Variants in ACSM1 observed in about 807,000 individuals in gnomAD.
The protein encoded by ACSM1 is acyl-coenzyme A synthetase ACSM1, mitochondrial.
A neutral mutation model predicts 75.8 loss-of-function variants in ACSM1; 79 were observed. The observed-to-expected ratio is 1.04, with a 90% CI of 0.87 to 1.26. The LOEUF (loss-of-function observed/expected upper bound fraction) is 1.26, where lower values mean the gene tolerates loss of function less well. ACSM1 is among the 50% of genes most tolerant of loss of function. The pLI is 0.00. For missense variants in ACSM1, 676 were observed against 720.1 expected (o/e 0.94, Z 0.70); for synonymous variants, 279 against 265.8 (o/e 1.05, Z -0.48).
At chr16:20,650,696 T>G (rs1279240744) in intron 7 of ACSM1, among the ~76,000 whole-genome samples, 1 of 151,514 alleles carries the variant, frequency 6.6e-6, no homozygotes, top group African/African-American at 2.4e-5. Flanking sequence ...AAACAAAATC[T>G]AAGAATAAGG....
intron 7 of ACSM1, among the ~76,000 whole-genome samples, chr16:20,656,059 G>A (rs956278829): frequency 1.3e-5 from 2 of 152,114 alleles, no homozygotes; most frequent in African/African-American, 2.4e-5. Flanking sequence ...CTGTTGAAAA[G>A]GCTTTGAAGG....
intron 2 of ACSM1, among the ~76,000 whole-genome samples, chr16:20,686,572 A>G (rs1301029684): frequency 2.0e-5 from 3 of 152,190 alleles, no homozygotes; most frequent in African/African-American, 7.2e-5. Context: ...AACCACCATG[A>G]CACGCATATA....
chr16:20,654,378 A>T (rs1460508304), intron 7 of ACSM1, among the ~76,000 whole-genome samples: 3 of 152,228 alleles, frequency 2.0e-5, no homozygotes, highest in Non-Finnish European at 4.4e-5. Flanking sequence ...AGCAATGGCA[A>T]CAAAAACCAA....
intron 6 of ACSM1, among the ~76,000 whole-genome samples, chr16:20,666,323 A>G (rs2019565126): frequency 6.6e-6 from 1 of 152,188 alleles, no homozygotes; most frequent in African/African-American, 2.4e-5. Context: ...TAGCATTTCC[A>G]TACACCAACA....
At chr16:20,637,744 G>A (rs1268464044) in intron 8 of ACSM1, among the ~76,000 whole-genome samples, 2 of 152,246 alleles carry the variant, frequency 1.3e-5, no homozygotes, top group Non-Finnish European at 2.9e-5. Context: ...TCCCCTGGCT[G>A]TGGGCATATA....
chr16:20,629,403 G>A (rs2017199513), intron 10 of ACSM1, among the ~76,000 whole-genome samples: 1 of 151,818 alleles, frequency 6.6e-6, no homozygotes, highest in African/African-American at 2.4e-5. Context: ...ATGTAATATA[G>A]TAATCATAAA....
In ACSM1 at chr16:20,626,103, A is replaced by C. The variant is rs112906816; in HGVS notation, c.1428-581T>G. Among the ~76,000 whole-genome samples the C allele has an allele frequency of 4.5e-4, 69 of 152,260 alleles. 1 individual carries two copies. Among genetic ancestry groups the C allele is most frequent in the African/African-American group, 1.3e-3 (53 of 41,566 alleles). ...AGAAATTTAAAATAAAATCCCATCCAGGCTGGGCATGGTGGCTCACACCTG... is the reference window on the plus strand; with the variant it reads ...AGAAATTTAAAATAAAATCCCATCCCGGCTGGGCATGGTGGCTCACACCTG... On this transcript the variant is annotated intron_variant, in intron 11 of 13. Transcript: ENST00000520010.
Position 20,635,620 on chromosome 16 carries a change from CTTT to C in ACSM1, c.1299+1116_1299+1118del, listed in dbSNP as rs2017647726. ...TCTTTCTTTCTTTCTTTCTTTCTTT[CTTT>C]CTTTCTTTCTTTCTTTCTTTCTTTC... On this transcript the variant is annotated intron_variant, in intron 10 of 13. Coordinates refer to ENST00000520010, the MANE Select transcript of ACSM1 (RefSeq NM_001318890.3). 1.0e-3 allele frequency among the ~76,000 whole-genome samples: 106 copies of C among 105,486 alleles called. 1 individual carries two copies. The highest frequency in any genetic ancestry group is 1.8e-3 in the Non-Finnish European group (88 of 49,128). The allele number at this position is 105,486 out of a possible 152,430, so 69.2% of individuals were successfully genotyped here.
At chr16:20,640,699 A>T in intron 7 of ACSM1, 115 bp from the exon 8 acceptor site, 1 of 1,505,588 alleles carries the variant, frequency 6.6e-7, no homozygotes, top group South Asian at 1.3e-5. Flanking sequence ...TTTCTTATTT[A>T]CTTTTTGGTC....
intron 10 of ACSM1, among the ~76,000 whole-genome samples, chr16:20,632,207 G>T (rs2017393417): frequency 6.6e-6 from 1 of 152,016 alleles, no homozygotes; most frequent in Non-Finnish European, 1.5e-5. Flanking sequence ...CTAAACCCAA[G>T]CATAGCAGAA....
At chr16:20,634,327 CA>C (rs1187796485) in intron 10 of ACSM1, among the ~76,000 whole-genome samples, 1 of 152,204 alleles carries the variant, frequency 6.6e-6, no homozygotes, top group Non-Finnish European at 1.5e-5. Context: ...TGGAACCCAG[CA>C]ATTCCACATC....
intron 6 of ACSM1, among the ~76,000 whole-genome samples, chr16:20,667,482 G>A (rs1449557318): frequency 6.6e-6 from 1 of 152,092 alleles, no homozygotes; most frequent in Non-Finnish European, 1.5e-5. Flanking sequence ...CTATCAGAAT[G>A]GTGATTATTA....
intron 2 of ACSM1, among the ~76,000 whole-genome samples, chr16:20,688,100 A>G (rs2079586428): frequency 6.6e-6 from 1 of 151,816 alleles, no homozygotes; most frequent in Non-Finnish European, 1.5e-5. Flanking sequence ...AAAAAAAAAG[A>G]AAGAACCAAA....
Position 20,654,539 on chromosome 16 carries a change from C to A in ACSM1, c.992+7255G>T, listed in dbSNP as rs1026231076. 3.3e-5 allele frequency among the ~76,000 whole-genome samples: 5 copies of A among 152,072 alleles called. 1 individual carries two copies. On this transcript the variant is annotated intron_variant, in intron 7 of 13. Coordinates refer to ENST00000520010, the MANE Select transcript of ACSM1 (RefSeq NM_001318890.3). ...TAATATCCAGAATCTACAAACAACT[C>A]AAACAAATTTACAAGAAAACAACAA...
chr16:20,661,573 GT>G (rs1213381793), intron 7 of ACSM1, among the ~76,000 whole-genome samples: 1 of 152,104 alleles, frequency 6.6e-6, no homozygotes, highest in African/African-American at 2.4e-5. Context: ...CAACTGAAAT[GT>G]TTAAAAAGGA....
At chr16:20,691,629 C>T (rs2079652990) in intron 1 of ACSM1, among the ~76,000 whole-genome samples, 1 of 152,020 alleles carries the variant, frequency 6.6e-6, no homozygotes, top group African/African-American at 2.4e-5. Flanking sequence ...CATGTTGTTG[C>T]CATGGAAGCT....
chr16:20,627,279 TC>T lies in ACSM1; in HGVS notation c.1336del (p.Asp446ThrfsTer66), dbSNP rs2016992940. The T allele has an allele frequency of 6.3e-7, 1 of 1,584,598 alleles. No homozygotes were observed. Among genetic ancestry groups the T allele is most frequent in the Non-Finnish European group, 8.6e-7 (1 of 1,167,718 alleles). ...ACCTCTGTCCCCAGTGTTGTAGAAGTCCCCACATTCCACTTTAGCTGTCTTC... is the reference window on the plus strand; with the variant it reads ...ACCTCTGTCCCCAGTGTTGTAGAAGTCCCACATTCCACTTTAGCTGTCTTC... The part of the protein sequence containing the change: ...PEKTAKVECG[D>X]FYNTGDRGKM... On this transcript the variant is annotated frameshift_variant, in exon 11 of 14. Coordinates refer to ENST00000520010, the MANE Select transcript of ACSM1 (RefSeq NM_001318890.3). LOFTEE classifies it high-confidence loss of function.
chr16:20,640,426 C>T (rs777467315), intron 8 of ACSM1, 35 bp downstream of exon 8: 15 of 1,612,640 alleles, frequency 9.3e-6, no homozygotes, highest in East Asian at 2.2e-5. Context: ...TTAATTGAGA[C>T]CTGTCTCAGA....
intron 6 of ACSM1, among the ~76,000 whole-genome samples, chr16:20,665,344 G>T (rs777678640): frequency 6.6e-6 from 1 of 152,050 alleles, no homozygotes; most frequent in Non-Finnish European, 1.5e-5. Context: ...AAATATAAAA[G>T]ATTCTCAGAG....
Sources: gnomAD v4.1 joint callset for allele counts (sites outside exome capture counted in the v4.1 genomes callset) on GRCh38, gnomAD v4.1.1 for gene constraint, MANE v1.5 for transcripts, NCBI Gene and HGNC (gene_info 2026-07-23, HGNC 2026-07-21) for gene names.